PLEKHA5: variants seen among roughly 807,000 people sequenced by gnomAD.
PLEKHA5 encodes the protein pleckstrin homology domain containing A5.
Under a neutral mutation model 181.9 loss-of-function variants are expected in PLEKHA5, and 55 were observed. The observed-to-expected ratio is 0.30, with a 90% CI of 0.24 to 0.38. The LOEUF is 0.38. PLEKHA5 is among the 10% of genes least tolerant of loss of function. PLEKHA5 has a pLI of 1.00. For synonymous variants in PLEKHA5, 535 were observed against 529.4 expected, an observed-to-expected ratio of 1.01 and a Z score of -0.15; for missense variants, 1,432 against 1,549.5, an observed-to-expected ratio of 0.92 and a Z score of 1.27.
chr12:19,249,748 C>A (rs2064766393), intron 3 of PLEKHA5, among the ~76,000 whole-genome samples: 2 of 152,130 alleles, frequency 1.3e-5, no homozygotes, highest in Non-Finnish European at 2.9e-5. Flanking sequence ...CCAAAGATCA[C>A]CTAGCTATTA....
chr12:19,132,773 CTTTTTT>C (rs59992820), intron 3 of PLEKHA5, among the ~76,000 whole-genome samples: 36 of 112,124 alleles, frequency 3.2e-4, no homozygotes, highest in Non-Finnish European at 5.2e-4. Flanking sequence ...CCACAATTAC[CTTTTTT>C]TTTTTTTTTT....
chr12:19,364,940 G>A (rs186144243), intron 29 of PLEKHA5, among the ~76,000 whole-genome samples: 156 of 152,146 alleles, frequency 1.0e-3, no homozygotes, highest in African/African-American at 3.5e-3. Flanking sequence ...GATTACAGGC[G>A]TGAGCCACCG....
At chr12:19,146,576 T>A (rs2038977920) in intron 3 of PLEKHA5, among the ~76,000 whole-genome samples, 1 of 152,222 alleles carries the variant, frequency 6.6e-6, no homozygotes. Flanking sequence ...TCAATCTGTG[T>A]CTTACATATT....
chr12:19,289,939 TA>T (rs1182714794), intron 13 of PLEKHA5, among the ~76,000 whole-genome samples: 2 of 151,900 alleles, frequency 1.3e-5, no homozygotes, highest in Non-Finnish European at 1.5e-5. Context: ...TATTTTTATT[TA>T]TTTTTTTATT....
At chr12:19,348,758 C>T (rs2094451719) in intron 25 of PLEKHA5, among the ~76,000 whole-genome samples, 1 of 152,030 alleles carries the variant, frequency 6.6e-6, no homozygotes, top group African/African-American at 2.4e-5. Flanking sequence ...TTTTTTAACA[C>T]TATTTCTACA....
At chr12:19,181,724 C>T (rs1012935522) in intron 3 of PLEKHA5, among the ~76,000 whole-genome samples, 4 of 152,018 alleles carry the variant, frequency 2.6e-5, no homozygotes, top group Non-Finnish European at 4.4e-5. Context: ...TACAGTGAGC[C>T]GAGATCGCGC....
chr12:19,175,930 C>A (rs1438813557), intron 3 of PLEKHA5, among the ~76,000 whole-genome samples: 1 of 152,080 alleles, frequency 6.6e-6, no homozygotes, highest in South Asian at 2.1e-4. Flanking sequence ...CCGGGTTGTA[C>A]CCCACACCTC....
chr12:19,200,431 A>G, intron 3 of PLEKHA5: 2 of 1,490,448 alleles, frequency 1.3e-6, no homozygotes, highest in Non-Finnish European at 1.8e-6. Flanking sequence ...GACTAATACT[A>G]GTTGACAAAA....
intron 3 of PLEKHA5, among the ~76,000 whole-genome samples, chr12:19,245,864 G>A (rs2063616776): frequency 6.6e-6 from 1 of 151,872 alleles, no homozygotes; most frequent in Admixed American, 6.6e-5. Context: ...AATAAAGATG[G>A]CAGTGCTGCA....
At position 19,365,985 on chromosome 12, in the gene PLEKHA5, C is replaced by G; in HGVS notation, c.3630C>G (p.Thr1210=). ...TCAGCCCTCAAGATGAAACACAGACCGCAAATCATAAACCAGAAGAGCATC... is the reference window on the plus strand; with the variant it reads ...TCAGCCCTCAAGATGAAACACAGACGGCAAATCATAAACCAGAAGAGCATC... The part of the protein sequence containing the change: ...VTFSPQDETQ[T]ANHKPEEHPE... Residue 1210 remains threonine (T), a synonymous_variant, in exon 30 of 32, where the codon ACC becomes ACG. Transcript: ENST00000429027. 2 of 1,610,568 alleles carry G rather than the reference C, an allele frequency of 1.2e-6. No homozygotes were observed.
At chr12:19,327,997 G>A (rs1001778392) in intron 20 of PLEKHA5, among the ~76,000 whole-genome samples, 1 of 152,146 alleles carries the variant, frequency 6.6e-6, no homozygotes, top group Non-Finnish European at 1.5e-5. Flanking sequence ...TCCACCTTGA[G>A]TTAATTTTTG....
intron 3 of PLEKHA5, among the ~76,000 whole-genome samples, chr12:19,185,137 G>C (rs74064424): frequency 1.3e-4 from 19 of 151,560 alleles, no homozygotes; most frequent in African/African-American, 3.9e-4. Flanking sequence ...TTGGAGAGGA[G>C]ATTAATGGAC....
chr12:19,366,174 C>T, intron 30 of PLEKHA5, 65 bp downstream of exon 30: 1 of 1,323,966 alleles, frequency 7.6e-7, no homozygotes, highest in Non-Finnish European at 1.1e-6. Flanking sequence ...ATTTATTTTC[C>T]ATGGGGAGAT....
chr12:19,214,686 G>C (rs1471101808), intron 3 of PLEKHA5, among the ~76,000 whole-genome samples: 3 of 152,114 alleles, frequency 2.0e-5, no homozygotes, highest in African/African-American at 7.2e-5. Flanking sequence ...GGAGTGATTA[G>C]GATGGTGGCT....
rs1032038902 is a variant in PLEKHA5, at chr12:19,357,527, T to C, written c.3139-701T>C. On this transcript the variant is annotated intron_variant, in intron 26 of 31. Transcript: ENST00000429027. ...TCCCAAAGTACTGGGATTATAGGCG[T>C]GAGCCACTGCACCCAGCCTGCCCTG... Among the ~76,000 whole-genome samples, 20 of 152,288 alleles carry C rather than the reference T, an allele frequency of 1.3e-4. 1 individual carries two copies. In the South Asian group the frequency reaches 3.7e-3, roughly 28 times the overall value.
chr12:19,154,371 G>A (rs570466276), intron 3 of PLEKHA5: 17 of 151,736 alleles, frequency 1.1e-4, no homozygotes, highest in South Asian at 4.2e-4. Context: ...ACCTTATTTT[G>A]TTCTTTCTTC....
At chr12:19,369,876 A>G in intron 31 of PLEKHA5, 78 bp downstream of exon 31, 2 of 810,218 alleles carry the variant, frequency 2.5e-6, no homozygotes, top group Non-Finnish European at 4.0e-6. Flanking sequence ...TAGTGAATCA[A>G]AACTGGGATT....
intron 3 of PLEKHA5, among the ~76,000 whole-genome samples, chr12:19,203,007 T>C (rs2054541735): frequency 6.6e-6 from 1 of 152,124 alleles, no homozygotes; most frequent in South Asian, 2.1e-4. Flanking sequence ...CAGGTTTTGC[T>C]GGTAGAGAAA....
intron 6 of PLEKHA5, among the ~76,000 whole-genome samples, chr12:19,260,406 A>T (rs1205389204): frequency 6.6e-6 from 1 of 152,230 alleles, no homozygotes; most frequent in East Asian, 1.9e-4. Context: ...GCCAAATCAA[A>T]TTGCCTTAAT....
Sources: allele counts gnomAD v4.1 joint callset (sites outside exome capture counted in the v4.1 genomes callset), GRCh38; gene constraint gnomAD v4.1.1; transcripts MANE v1.5; gene names NCBI Gene and HGNC (gene_info 2026-07-23, HGNC 2026-07-21).